Variants in SLC20A2 observed in about 807,000 individuals in gnomAD.
SLC20A2 encodes sodium-dependent phosphate transporter 2.
In SLC20A2, 30 loss-of-function variants were observed where a neutral mutation model predicts 61.0. That is an observed-to-expected ratio of 0.49 (90% CI 0.37 to 0.67). SLC20A2 has a LOEUF of 0.67. Ranked by LOEUF, SLC20A2 falls within the 30% of genes least tolerant of loss-of-function variation. The probability of loss-of-function intolerance (pLI) is 0.00; values close to 1 mark genes in which losing one functional copy is unlikely to be tolerated. For synonymous variants in SLC20A2, 351 were observed against 353.3 expected (o/e 0.99, Z 0.07); for missense variants, 626 against 866.4 (o/e 0.72, Z 3.48).
chr8:42,432,664 T>C (rs1349179487), intron 8 of SLC20A2, among the ~76,000 whole-genome samples: 1 of 152,178 alleles, frequency 6.6e-6, no homozygotes, highest in Non-Finnish European at 1.5e-5. Context: ...ATTTAAGAAA[T>C]GGCCACAGCC....
intron 1 of SLC20A2, among the ~76,000 whole-genome samples, chr8:42,473,583 C>A (rs1807822597): frequency 2.0e-5 from 3 of 152,170 alleles, no homozygotes. Context: ...GAAGGAGCAG[C>A]CCCTCCCCCA....
chr8:42,419,650 T>A (rs1211216034), intron 10 of SLC20A2: 1 of 916,740 alleles, frequency 1.1e-6, no homozygotes, highest in African/African-American at 1.8e-5. Context: ...AGCTCTTTCC[T>A]CTCCCAACGT....
intron 1 of SLC20A2, among the ~76,000 whole-genome samples, chr8:42,536,902 C>T (rs1332520760): frequency 1.3e-5 from 2 of 151,926 alleles, no homozygotes; most frequent in African/African-American, 2.4e-5. Context: ...GGTGAAACCC[C>T]GTCTTCTACT....
chr8:42,485,082 G>A (rs534380640), intron 1 of SLC20A2: 13 of 207,880 alleles, frequency 6.3e-5, no homozygotes, highest in South Asian at 5.5e-4. Context: ...TTCCTCCTTC[G>A]CAGAGGTCAG....
At chr8:42,507,430 G>T (rs995213028) in intron 1 of SLC20A2, among the ~76,000 whole-genome samples, 4 of 151,332 alleles carry the variant, frequency 2.6e-5, no homozygotes, top group African/African-American at 7.3e-5. Flanking sequence ...AAAAAACCTT[G>T]ATAAATAGCT....
At chr8:42,538,247 T>C (rs555198565) in intron 1 of SLC20A2, 17 of 148,368 alleles carry the variant, frequency 1.1e-4, no homozygotes, top group African/African-American at 3.9e-4. Flanking sequence ...TATTATATAT[T>C]ACATATATTA....
chr8:42,439,374 ACCCAGGCCCAGCTGGTCCTC>A, intron 7 of SLC20A2, 56 bp downstream of exon 7: 1 of 1,427,824 alleles, frequency 7.0e-7, no homozygotes, highest in Admixed American at 2.0e-5. Flanking sequence ...GATTGCCCAC[ACCCAGGCCCAGCTGGTCCTC>A]CCCAGGGAAC....
At chr8:42,512,283 T>C (rs1445291544) in intron 1 of SLC20A2, among the ~76,000 whole-genome samples, 2 of 151,846 alleles carry the variant, frequency 1.3e-5, no homozygotes, top group Admixed American at 6.6e-5. Flanking sequence ...GAACCTTTTA[T>C]GTAAACCATA....
At chr8:42,423,810 G>A (rs950642983) in intron 10 of SLC20A2, among the ~76,000 whole-genome samples, 6 of 152,132 alleles carry the variant, frequency 3.9e-5, no homozygotes, top group African/African-American at 1.4e-4. Context: ...AATGTAAAAT[G>A]TTATTTTTTT....
chr8:42,527,202 G>A (rs575618835), intron 1 of SLC20A2, among the ~76,000 whole-genome samples: 3 of 151,520 alleles, frequency 2.0e-5, no homozygotes, highest in South Asian at 2.1e-4. Context: ...TCAGGAGTGC[G>A]AGACCAGGCT....
intron 5 of SLC20A2, among the ~76,000 whole-genome samples, chr8:42,450,530 C>CT (rs1563471673): frequency 1.3e-5 from 2 of 151,100 alleles, no homozygotes; most frequent in African/African-American, 2.4e-5. Flanking sequence ...CGCCCGGCCT[C>CT]TTTTTTTGTT....
In SLC20A2 at chr8:42,437,248, A is replaced by T. The variant is rs1217920062; in HGVS notation, c.1264T>A (p.Ser422Thr). 1 of 1,613,796 alleles carries T rather than the reference A, an allele frequency of 6.2e-7. No homozygotes were observed. The highest frequency in any genetic ancestry group is 8.5e-7 in the Non-Finnish European group (1 of 1,180,022). Residue 422 changes from serine (S) to threonine (T), a missense_variant, in exon 8 of 11, where the codon TCC becomes ACC. Coordinates refer to ENST00000520262, the MANE Select transcript of SLC20A2 (RefSeq NM_001257180.2). This position sits in a 1 kb window ranked among gnomAD's most constrained non-coding sequence, Gnocchi z 6.4. ...DSEKLVGDTV[S>T]YSKKRLRYDS... is the part of the protein sequence containing the mutation. ...TAGCGCAGCCTCTTCTTGGAGTAGG[A>T]CACGGTGTCGCCCACCAGCTTCTCA...
At chr8:42,505,257 C>T (rs1586227155), upstream of SLC20A2, among the ~76,000 whole-genome samples, 1 of 151,976 alleles carries the variant, frequency 6.6e-6, no homozygotes, top group Admixed American at 6.6e-5. Flanking sequence ...TATAGGTGTG[C>T]ACCACCACAC....
intron 1 of SLC20A2, among the ~76,000 whole-genome samples, chr8:42,489,644 G>A (rs968203543): frequency 3.9e-5 from 6 of 152,156 alleles, no homozygotes; most frequent in Admixed American, 2.0e-4. Flanking sequence ...CCTACAGTGC[G>A]CAGCTGCCAG....
intron 1 of SLC20A2, among the ~76,000 whole-genome samples, chr8:42,493,930 T>G (rs999526601): frequency 7.2e-5 from 11 of 152,128 alleles, no homozygotes; most frequent in African/African-American, 2.7e-4. Flanking sequence ...CTGCTTTAGT[T>G]CAGGAGTTCA....
At position 42,437,657 on chromosome 8, in the gene SLC20A2, TC is replaced by T; in HGVS notation, c.935-81del. ...CTTTTTGAGACGGAGCCTTGCTCTG[TC>T]CTCAGGGTGGAGTACAATGGCGCAA... On this transcript the variant is annotated intron_variant, in intron 7 of 10. Transcript: ENST00000520262. The surrounding 1 kb of genome is among the most constrained non-coding windows in gnomAD (Gnocchi z 6.4). 8.1e-7 allele frequency: 1 copy of T among 1,231,780 alleles called. No individual in the cohort carries two copies. The highest frequency in any genetic ancestry group is 1.1e-6 in the Non-Finnish European group (1 of 913,804). 76.3% of individuals were successfully genotyped at this position (1,231,780 alleles called of 1,614,324 possible).
intron 8 of SLC20A2, among the ~76,000 whole-genome samples, chr8:42,430,824 A>G (rs796270603): frequency 3.9e-5 from 6 of 152,208 alleles, no homozygotes; most frequent in African/African-American, 1.4e-4. Flanking sequence ...CATATCTGTT[A>G]TGGTGATCTG....
At position 42,430,083 on chromosome 8, in the gene SLC20A2, T is replaced by C; in HGVS notation, c.1690A>G (p.Thr564Ala). The C allele has an allele frequency of 6.2e-7, 1 of 1,611,492 alleles. No individual in the cohort carries two copies. Among genetic ancestry groups the C allele is most frequent in the Non-Finnish European group, 8.5e-7 (1 of 1,179,176 alleles). Residue 564 changes from threonine (T) to alanine (A), a missense_variant, in exon 9 of 11, where the codon ACT becomes GCT. By Grantham distance (58) the Thr-to-Ala change is moderately conservative (BLOSUM62 0). Coordinates refer to ENST00000520262, the MANE Select transcript of SLC20A2 (RefSeq NM_001257180.2). ...GCTTACCTGGACGGCGTGATGGGAGTGAGGTCCTTCCCCATGGTCTGGATC... is the reference window on the plus strand; with the variant it reads ...GCTTACCTGGACGGCGTGATGGGAGCGAGGTCCTTCCCCATGGTCTGGATC... Reference protein sequence around the residue: ...RVIQTMGKDLTPITPSSGFTI... With the variant: ...RVIQTMGKDLAPITPSSGFTI...
At chr8:42,451,623 G>A (rs1176260101) in intron 5 of SLC20A2, among the ~76,000 whole-genome samples, 1 of 136,742 alleles carries the variant, frequency 7.3e-6, no homozygotes, top group Non-Finnish European at 1.6e-5. Flanking sequence ...ATGAAGAGGA[G>A]GAGGAGGAAG....
Sources: allele counts gnomAD v4.1 joint callset (sites outside exome capture counted in the v4.1 genomes callset), GRCh38; gene constraint gnomAD v4.1.1; non-coding constraint Gnocchi (gnomAD v3.1); transcripts MANE v1.5; gene names NCBI Gene and HGNC (gene_info 2026-07-23, HGNC 2026-07-21).